PSMA3: variants seen among roughly 807,000 people sequenced by gnomAD.
The protein encoded by PSMA3 is proteasome subunit alpha type-3.
A neutral mutation model predicts 40.0 loss-of-function variants in PSMA3; 8 were observed. That is an observed-to-expected ratio of 0.20 (90% CI 0.12 to 0.36). The LOEUF is 0.36. Ranked by LOEUF, PSMA3 falls within the 10% of genes least tolerant of loss-of-function variation. PSMA3 has a pLI of 1.00. For missense variants in PSMA3, 219 were observed against 310.6 expected (o/e 0.70, Z 2.22); for synonymous variants, 110 against 100.0 (o/e 1.10, Z -0.59).
chr14:58,270,797 T>C, intron 9 of PSMA3, 137 bp from the exon 10 acceptor site: 1 of 813,452 alleles, frequency 1.2e-6, no homozygotes, highest in Non-Finnish European at 1.9e-6. Context: ...CACAAAAATA[T>C]TCGAGTATTA....
intron 2 of PSMA3, 63 bp from the exon 3 acceptor site, chr14:58,252,056 C>A: frequency 6.6e-7 from 1 of 1,521,600 alleles, no homozygotes; most frequent in Non-Finnish European, 8.8e-7. Context: ...TTTTGTTAAA[C>A]TTAAGTTTAT....
intron 7 of PSMA3, chr14:58,266,165 TTGTC>T (rs1459911551): frequency 6.6e-6 from 1 of 152,248 alleles, no homozygotes; most frequent in African/African-American, 2.4e-5. Flanking sequence ...AAATAATGGT[TTGTC>T]TATTTCCTAA....
intron 5 of PSMA3, among the ~76,000 whole-genome samples, chr14:58,259,010 C>A (rs1890210313): frequency 6.6e-6 from 1 of 152,172 alleles, no homozygotes; most frequent in Admixed American, 6.5e-5. Context: ...TGGCTGACTG[C>A]AGCTTTGACC....
chr14:58,270,500 T>C lies in PSMA3; in HGVS notation c.658+15T>C, dbSNP rs767773569. The C allele has an allele frequency of 1.5e-5, 24 of 1,613,438 alleles. No individual in the cohort carries two copies. The highest frequency in any genetic ancestry group is 2.0e-5 in the Non-Finnish European group (24 of 1,179,674). ...GGTTGGTGAATGTAAGTTATTTTTGTACATTTATTTGCCTTAGGAATGATC... is the reference window on the plus strand; with the variant it reads ...GGTTGGTGAATGTAAGTTATTTTTGCACATTTATTTGCCTTAGGAATGATC... On this transcript the variant is annotated intron_variant, in intron 9 of 10. Coordinates refer to ENST00000216455, the MANE Select transcript of PSMA3 (RefSeq NM_002788.4).
chr14:58,249,420 G>C (rs1195742701), intron 2 of PSMA3, among the ~76,000 whole-genome samples: 1 of 152,012 alleles, frequency 6.6e-6, no homozygotes, highest in Non-Finnish European at 1.5e-5. Context: ...GAACTTTTGG[G>C]CTCAAGTAAT....
rs1316204277 is a variant in PSMA3 at position 58,260,987 on chromosome 14, A to G, written c.444A>G (p.Gln148=). The G allele has an allele frequency of 1.2e-6, 2 of 1,612,552 alleles. No individual in the cohort carries two copies. Among genetic ancestry groups the G allele is most frequent in the South Asian group, 1.1e-5 (1 of 90,944 alleles). The change falls in exon 6 of 11, where the codon CAA becomes CAG. Residue 148 remains glutamine, a synonymous_variant. Transcript: ENST00000216455. ...CTTACAGTGTGAATGACGGTGCGCAACTCTACATGATTGACCCATCAGGTG... is the reference window on the plus strand; with the variant it reads ...CTTACAGTGTGAATGACGGTGCGCAGCTCTACATGATTGACCCATCAGGTG... ...LGSYSVNDGA[Q]LYMIDPSGVS...
chr14:58,265,135 G>GT (rs1890399560), intron 7 of PSMA3: 2 of 152,236 alleles, frequency 1.3e-5, no homozygotes, highest in African/African-American at 2.4e-5. Flanking sequence ...GTGCGTGCCT[G>GT]TAGTCCCAGC....
intron 3 of PSMA3, among the ~76,000 whole-genome samples, chr14:58,256,516 G>A (rs927972650): frequency 4.0e-5 from 6 of 149,216 alleles, no homozygotes; most frequent in African/African-American, 1.5e-4. Context: ...CCAGGTTCAA[G>A]CAATTCTCTG....
At chr14:58,257,493 G>A (rs1890171665) in intron 3 of PSMA3, among the ~76,000 whole-genome samples, 2 of 149,584 alleles carry the variant, frequency 1.3e-5, no homozygotes, top group Admixed American at 6.6e-5. Context: ...GCGAGACCCC[G>A]TATCAAAAAA....
chr14:58,265,466 TG>T (rs1890412140), intron 7 of PSMA3: 1 of 152,228 alleles, frequency 6.6e-6, no homozygotes, highest in African/African-American at 2.4e-5. Context: ...CCTGCTTTTG[TG>T]TAAGTTTTAT....
chr14:58,252,082 T>A, intron 2 of PSMA3, 37 bp from the exon 3 acceptor site: 2 of 1,559,060 alleles, frequency 1.3e-6, no homozygotes, highest in Non-Finnish European at 1.7e-6. Context: ...TTCTTTTATT[T>A]TCAGTTAAAA....
At chr14:58,263,284 T>C (rs1890334920) in intron 6 of PSMA3, among the ~76,000 whole-genome samples, 1 of 152,110 alleles carries the variant, frequency 6.6e-6, no homozygotes, top group Admixed American at 6.6e-5. Context: ...CACACCCAGC[T>C]GTGCATCCTT....
intron 5 of PSMA3, among the ~76,000 whole-genome samples, chr14:58,259,974 A>G (rs957652252): frequency 6.6e-6 from 1 of 152,246 alleles, no homozygotes; most frequent in Non-Finnish European, 1.5e-5. Flanking sequence ...ACAATGAGCT[A>G]TATATCCTGA....
rs776716919 is a variant in PSMA3, at chr14:58,270,989, A to C, written c.714A>C (p.Lys238Asn). The C allele has an allele frequency of 2.2e-5, 35 of 1,607,282 alleles. No homozygotes were observed. Among genetic ancestry groups the C allele is most frequent in the Non-Finnish European group, 3.0e-5 (35 of 1,175,690 alleles). The change falls in exon 10 of 11, where the codon AAA (lysine) becomes AAC (asparagine). Residue 238 changes from lysine to asparagine, a missense_variant. Transcript: ENST00000216455. ...AAGATATAAGAGAAGAAGCAGAGAA[A>C]TATGCTAAGGTAAGCCACAGCACAA... ...VPKDIREEAE[K>N]YAKESLKEED... is the part of the protein sequence containing the mutation.
At chr14:58,262,590 T>C (rs959691390) in intron 6 of PSMA3, among the ~76,000 whole-genome samples, 3 of 149,918 alleles carry the variant, frequency 2.0e-5, no homozygotes, top group African/African-American at 7.4e-5. Flanking sequence ...TGAGACAGAG[T>C]CTTGCTCAGT....
intron 6 of PSMA3, among the ~76,000 whole-genome samples, chr14:58,261,774 A>AT (rs1890288200): frequency 6.6e-6 from 1 of 151,724 alleles, no homozygotes; most frequent in African/African-American, 2.4e-5. Flanking sequence ...TGCCTAGCTA[A>AT]TTTTTGTATT....
intron 3 of PSMA3, 70 bp from the exon 4 acceptor site, chr14:58,257,675 C>T (rs1005896047): frequency 2.2e-6 from 3 of 1,359,344 alleles, no homozygotes; most frequent in Middle Eastern, 2.6e-4. Context: ...TTTAATAAGT[C>T]TTTATTAATT....
rs540587175 is a variant in PSMA3 at position 58,267,669 on chromosome 14, C to T, written c.590+149C>T. On this transcript the variant is annotated intron_variant, in intron 8 of 10. Coordinates refer to ENST00000216455, the MANE Select transcript of PSMA3 (RefSeq NM_002788.4). ...AAATTTAACATTCTAAGAAGCCTCA[C>T]GAAGGAAGAAAATGTTTTTAAGCAA... 1.2e-5 allele frequency: 15 copies of T among 1,221,500 alleles called. No individual in the cohort carries two copies. In the South Asian group the frequency reaches 2.1e-4, roughly 17 times the overall value. 75.7% of individuals were successfully genotyped at this position (1,221,500 alleles called of 1,614,324 possible).
In PSMA3 at chr14:58,255,794, CAT is replaced by C. The variant is rs1266709389; in HGVS notation, c.229-1950_229-1949del. Among the ~76,000 whole-genome samples the C allele has an allele frequency of 7.9e-5, 12 of 152,324 alleles. No individual in the cohort carries two copies. The South Asian group carries it at 8.3e-4, about 11-fold the overall frequency. ...CAAAAAAAAAGATATGCCACACTAA[CAT>C]GTGATTTCACTGCAGTGCCTGAGGA... On this transcript the variant is annotated intron_variant, in intron 3 of 10. Coordinates refer to ENST00000216455, the MANE Select transcript of PSMA3 (RefSeq NM_002788.4).
Sources: allele counts gnomAD v4.1 joint callset (sites outside exome capture counted in the v4.1 genomes callset), GRCh38; gene constraint gnomAD v4.1.1; transcripts MANE v1.5; gene names NCBI Gene and HGNC (gene_info 2026-07-23, HGNC 2026-07-21).